Variants in AUTS2 observed in about 807,000 individuals in gnomAD.
AUTS2 encodes activator of transcription and developmental regulator AUTS2, also known as autism susceptibility gene 2 protein.
A neutral mutation model predicts 112.4 loss-of-function variants in AUTS2; 17 were observed. The observed-to-expected ratio is 0.15, with a 90% CI of 0.10 to 0.23. The LOEUF (loss-of-function observed/expected upper bound fraction) is 0.23. Ranked by LOEUF, AUTS2 falls within the 10% of genes least tolerant of loss-of-function variation. The pLI is 1.00. For missense variants in AUTS2, 1,510 were observed against 1,701.6 expected (o/e 0.89, Z 1.98); for synonymous variants, 751 against 702.7 (o/e 1.07, Z -1.09).
chr7:70,143,002 C>T (rs1806943605), intron 4 of AUTS2, among the ~76,000 whole-genome samples: 1 of 152,152 alleles, frequency 6.6e-6, no homozygotes, highest in Admixed American at 6.6e-5. Flanking sequence ...CACTCAGAAT[C>T]TTTCAGATCA....
intron 5 of AUTS2, among the ~76,000 whole-genome samples, chr7:70,636,708 G>T (rs1253516214): frequency 1.3e-5 from 2 of 149,568 alleles, no homozygotes; most frequent in East Asian, 3.9e-4. Context: ...GTGCAGTTGT[G>T]TGATCATAGC....
chr7:70,536,962 G>C (rs955537828), intron 5 of AUTS2, among the ~76,000 whole-genome samples: 21 of 152,240 alleles, frequency 1.4e-4, no homozygotes, highest in African/African-American at 4.8e-4. Context: ...AGCAACTGTA[G>C]AGTATTAGAT....
intron 1 of AUTS2, among the ~76,000 whole-genome samples, chr7:69,607,242 T>C (rs570155694): frequency 5.9e-5 from 9 of 152,274 alleles, no homozygotes; most frequent in Non-Finnish European, 2.9e-5. Context: ...TTGAAGGTGT[T>C]TATTTCATAT....
intron 2 of AUTS2, among the ~76,000 whole-genome samples, chr7:70,003,915 T>C (rs1799381148): frequency 1.2e-5 from 1 of 81,592 alleles, no homozygotes; most frequent in South Asian, 3.9e-4. Context: ...ATGAATGTGT[T>C]ATATATGAAT....
At chr7:70,167,036 G>A (rs1277140973) in intron 4 of AUTS2, among the ~76,000 whole-genome samples, 1 of 152,170 alleles carries the variant, frequency 6.6e-6, no homozygotes, top group Admixed American at 6.5e-5. Context: ...GACCAGCCTG[G>A]CCAACATGGT....
intron 2 of AUTS2, among the ~76,000 whole-genome samples, chr7:70,070,456 G>T (rs1054365993): frequency 1.3e-5 from 2 of 151,562 alleles, no homozygotes; most frequent in South Asian, 4.2e-4. Flanking sequence ...GTGCATGCCT[G>T]TAATTCCAGC....
chr7:69,840,918 C>T (rs1279304708), intron 1 of AUTS2, among the ~76,000 whole-genome samples: 1 of 152,142 alleles, frequency 6.6e-6, no homozygotes, highest in Non-Finnish European at 1.5e-5. Context: ...CAGGCAAGTG[C>T]CGTCAATGCA....
rs533797767 is a variant in AUTS2 at position 70,618,590 on chromosome 7, T to C, written c.691-79979T>C. Among the ~76,000 whole-genome samples, 10 of 152,324 alleles carry C rather than the reference T, an allele frequency of 6.6e-5. No individual in the cohort carries two copies. In the East Asian group the frequency reaches 1.7e-3, roughly 26 times the overall value. ...CTGCGATCACTAACCTCATCTCATT[T>C]GTGCCAGGGGTCTTGTTCAAAAGCT... On this transcript the variant is annotated intron_variant, in intron 5 of 18. Transcript: ENST00000342771.
At position 69,823,312 on chromosome 7, in the gene AUTS2, A is replaced by G. The variant is rs140769338; in HGVS notation, c.310-75974A>G. 1.1e-4 allele frequency among the ~76,000 whole-genome samples: 16 copies of G among 152,318 alleles called. No homozygotes were observed. In the East Asian group the frequency reaches 2.9e-3, roughly 28 times the overall value. On this transcript the variant is annotated intron_variant, in intron 1 of 18. Coordinates refer to ENST00000342771, the MANE Select transcript of AUTS2 (RefSeq NM_015570.4). The stretch of plus-strand genomic sequence containing the variant: ...TGGCAATTAGATTGTGCAGGACAGT[A>G]GTTGGCTAGGAATGGCATAAGGTTG...
chr7:69,603,987 T>G (rs1016658347), intron 1 of AUTS2, among the ~76,000 whole-genome samples: 1 of 152,198 alleles, frequency 6.6e-6, no homozygotes, highest in Admixed American at 6.5e-5. Context: ...CCCTCATTCC[T>G]CTTTTGTGCA....
chr7:70,118,989 C>CTTTTTTTTTTTTTTTTTT (rs1562712544), intron 3 of AUTS2: 1 of 138,670 alleles, frequency 7.2e-6, no homozygotes. Flanking sequence ...CATATATCAG[C>CTTTTTTTTTTTTTTTTTT]ATTTTTTTTT....
At chr7:69,957,529 A>G (rs986070747) in intron 2 of AUTS2, among the ~76,000 whole-genome samples, 1 of 152,124 alleles carries the variant, frequency 6.6e-6, no homozygotes. Context: ...GTTTATTTGT[A>G]TATTTTATGA....
chr7:70,232,369 G>A (rs1352280268), intron 4 of AUTS2, among the ~76,000 whole-genome samples: 3 of 151,628 alleles, frequency 2.0e-5, no homozygotes, highest in Admixed American at 2.0e-4. Flanking sequence ...TTTTAACGTG[G>A]TCAGCAACAT....
At chr7:69,888,717 G>A (rs938861428) in intron 1 of AUTS2, among the ~76,000 whole-genome samples, 1 of 151,604 alleles carries the variant, frequency 6.6e-6, no homozygotes, top group Non-Finnish European at 1.5e-5. Context: ...GAGTAGCTGG[G>A]ACTACACCTC....
chr7:70,243,567 A>G (rs1812742558), intron 4 of AUTS2, among the ~76,000 whole-genome samples: 1 of 152,128 alleles, frequency 6.6e-6, no homozygotes, highest in Admixed American at 6.5e-5. Context: ...TACTCAGGCT[A>G]ACCTTGACTG....
At position 69,813,937 on chromosome 7, in the gene AUTS2, G is replaced by A. The variant is rs1029532426; in HGVS notation, c.310-85349G>A. Among the ~76,000 whole-genome samples the A allele has an allele frequency of 5.9e-5, 9 of 152,296 alleles. No individual in the cohort carries two copies. In the South Asian group the frequency reaches 1.2e-3, roughly 21 times the overall value. On this transcript the variant is annotated intron_variant, in intron 1 of 18. Transcript: ENST00000342771. Reference sequence around the variant, plus strand: ...GAAGTCAGCAGCTGAGGTAGGGGTGGTTCACAGTCTTGCTTGTGGTTCAAC... The same window carrying A: ...GAAGTCAGCAGCTGAGGTAGGGGTGATTCACAGTCTTGCTTGTGGTTCAAC...
chr7:70,083,259 G>T (rs561154058), intron 2 of AUTS2, among the ~76,000 whole-genome samples: 2 of 152,158 alleles, frequency 1.3e-5, no homozygotes, highest in Non-Finnish European at 1.5e-5. Context: ...CTTCCGTGCT[G>T]TGTAGGCACC....
At chr7:70,332,206 TTCACAATTGC>T (rs1362154125) in intron 4 of AUTS2, among the ~76,000 whole-genome samples, 1 of 152,138 alleles carries the variant, frequency 6.6e-6, no homozygotes. Flanking sequence ...TGAACTCCCA[TTCACAATTGC>T]TACAAAGAGA....
rs1789742860 is a variant in AUTS2 at position 69,794,263 on chromosome 7, G to A, written c.310-105023G>A. On this transcript the variant is annotated intron_variant, in intron 1 of 18. Coordinates refer to ENST00000342771, the MANE Select transcript of AUTS2 (RefSeq NM_015570.4). Reference sequence around the variant, plus strand: ...TGCAGTACTTAAGACTTCTCTTTTGGCATCTGTCCTATAGCACTTTTCTTT... The same window carrying A: ...TGCAGTACTTAAGACTTCTCTTTTGACATCTGTCCTATAGCACTTTTCTTT... 2.6e-5 allele frequency among the ~76,000 whole-genome samples: 4 copies of A among 152,200 alleles called. No individual in the cohort carries two copies. The Middle Eastern group carries it at 0.014, about 518-fold the overall frequency.
Sources: gnomAD v4.1 joint callset for allele counts (sites outside exome capture counted in the v4.1 genomes callset) on GRCh38, gnomAD v4.1.1 for gene constraint, MANE v1.5 for transcripts, NCBI Gene and HGNC (gene_info 2026-07-23, HGNC 2026-07-21) for gene names.